Variants in COL17A1 observed in about 807,000 individuals in gnomAD.
The protein encoded by COL17A1 is collagen alpha-1(XVII) chain.
Under a neutral mutation model 218.4 loss-of-function variants are expected in COL17A1, and 181 were observed. The observed-to-expected ratio is 0.83, with a 90% CI of 0.73 to 0.94. The LOEUF (loss-of-function observed/expected upper bound fraction) is 0.94, where lower values mean the gene tolerates loss of function less well. Among genes scored for constraint, COL17A1 ranks in the 40% least tolerant of loss-of-function variants. COL17A1 has a pLI of 0.00. For synonymous variants in COL17A1, 721 were observed against 731.0 expected (o/e 0.99, Z 0.22); for missense variants, 1,924 against 1,945.9 (o/e 0.99, Z 0.21).
intron 52 of COL17A1, among the ~76,000 whole-genome samples, chr10:104,033,651 C>T (rs1166359625): frequency 3.3e-5 from 5 of 152,194 alleles, no homozygotes; most frequent in Non-Finnish European, 5.9e-5. Flanking sequence ...CTCTCGGCCC[C>T]AGCAGAAAAT....
chr10:104,034,303 G>C lies in COL17A1; in HGVS notation c.3798C>G (p.Pro1266=). 6.3e-7 allele frequency: 1 copy of C among 1,575,446 alleles called. No homozygotes were observed. Among genetic ancestry groups the C allele is most frequent in the Non-Finnish European group, 8.6e-7 (1 of 1,164,982 alleles). The change falls in exon 52 of 56, where the codon CCC becomes CCG. Residue 1266 remains proline (P), a synonymous_variant. Coordinates refer to ENST00000648076, the MANE Select transcript of COL17A1 (RefSeq NM_000494.4). ...SPDVRSFIVG[P]PGPPGPQGPP... ...GTCCCTGCGGCCCAGGAGGGCCTGG[G>C]GGGCCAACAATGAAGCTGCGCACAT...
chr10:104,037,486 T>A, intron 46 of COL17A1, 150 bp downstream of exon 46: 2 of 1,077,666 alleles, frequency 1.9e-6, no homozygotes, highest in Non-Finnish European at 2.8e-6. Flanking sequence ...TGACACTGTA[T>A]CCCAGTGGCC....
Position 104,035,311 on chromosome 10 carries a change from T to C in COL17A1, c.3571A>G (p.Asn1191Asp). Residue 1191 changes from asparagine to aspartate, a missense_variant, in exon 50 of 56, where the codon AAT becomes GAT. Coordinates refer to ENST00000648076, the MANE Select transcript of COL17A1 (RefSeq NM_000494.4). Reference protein sequence around the residue: ...GPPGPPGIPGNVWSSISVEDL... With the variant: ...GPPGPPGIPGDVWSSISVEDL... The stretch of plus-strand genomic sequence containing the variant: ...TCCACGCTGATGCTGGACCACACAT[T>C]GCCTGGGATCCCTGGTGGACCCGGG... 6.2e-7 allele frequency: 1 copy of C among 1,614,196 alleles called. No individual in the cohort carries two copies. Among genetic ancestry groups the C allele is most frequent in the Non-Finnish European group, 8.5e-7 (1 of 1,180,022 alleles).
chr10:104,064,053 G>A (rs1045383856), intron 10 of COL17A1, among the ~76,000 whole-genome samples: 2 of 152,212 alleles, frequency 1.3e-5, no homozygotes, highest in African/African-American at 4.8e-5. Context: ...ACCTGGAGTG[G>A]ACAGTGGGTC....
At chr10:104,037,820 A>G (rs779673580) in intron 45 of COL17A1, 47 bp from the exon 46 acceptor site, 1 of 1,605,324 alleles carries the variant, frequency 6.2e-7, no homozygotes, top group South Asian at 1.1e-5. Context: ...CCAAGAGGAC[A>G]TGTTCTCCCC....
intron 24 of COL17A1, among the ~76,000 whole-genome samples, chr10:104,051,760 C>T (rs1489922776): frequency 6.6e-6 from 1 of 152,178 alleles, no homozygotes; most frequent in African/African-American, 2.4e-5. Context: ...GGCAGTAGAA[C>T]ATTTGGGTTT....
At chr10:104,078,143 T>C (rs1451671923) in intron 3 of COL17A1, among the ~76,000 whole-genome samples, 3 of 152,204 alleles carry the variant, frequency 2.0e-5, no homozygotes, top group Non-Finnish European at 4.4e-5. Flanking sequence ...AACCAGAAGC[T>C]TGACTGGTAG....
intron 39 of COL17A1, 25 bp downstream of exon 39, chr10:104,041,040 G>A (rs778634348): frequency 6.2e-7 from 1 of 1,614,060 alleles, no homozygotes; most frequent in Non-Finnish European, 8.5e-7. Context: ...TGGAGAACAG[G>A]TGCGACTTGA....
chr10:104,050,065 A>C (rs750730038), intron 28 of COL17A1, 24 bp downstream of exon 28: 18 of 1,614,020 alleles, frequency 1.1e-5, no homozygotes, highest in African/African-American at 2.7e-5. Context: ...GATAGATTAA[A>C]GTAGATTCCC....
At chr10:104,084,159 T>C (rs934834414) in intron 1 of COL17A1, among the ~76,000 whole-genome samples, 7 of 152,232 alleles carry the variant, frequency 4.6e-5, no homozygotes, top group South Asian at 2.1e-4. Context: ...TTTGTGATTA[T>C]GCTGGTTTGT....
At chr10:104,042,537 G>T in intron 35 of COL17A1, 82 bp from the exon 36 acceptor site, 2 of 1,424,692 alleles carry the variant, frequency 1.4e-6, no homozygotes. Flanking sequence ...TCCTCCCAAG[G>T]CATGGAACAG....
In COL17A1 at chr10:104,049,575, C is replaced by T; in HGVS notation, c.2165-104G>A. ...CAAGAGGTCAAGGAAGCAGCTTCTG[C>T]TTTGATTCCAAGGTCAGGGCCACTT... is the stretch of plus-strand genomic sequence containing the variant. On this transcript the variant is annotated intron_variant, in intron 28 of 55. Transcript: ENST00000648076. 5 of 1,279,682 alleles carry T rather than the reference C, an allele frequency of 3.9e-6. No individual in the cohort carries two copies. The South Asian group carries it at 4.9e-5, about 12-fold the overall frequency. 79.3% of individuals were successfully genotyped at this position (1,279,682 alleles called of 1,614,324 possible).
chr10:104,056,850 C>G, intron 17 of COL17A1, 125 bp downstream of exon 17: 1 of 1,527,956 alleles, frequency 6.5e-7, no homozygotes, highest in South Asian at 1.2e-5. Flanking sequence ...GGGTCTGCAC[C>G]AATGCATTCA....
rs151271674 is a variant in COL17A1 at position 104,057,065 on chromosome 10, C to T, written c.1375G>A (p.Gly459Ser). 378 of 1,610,518 alleles carry T rather than the reference C, an allele frequency of 2.3e-4. 1 individual carries two copies. In the African/African-American group the frequency reaches 4.0e-3, roughly 17 times the overall value. ...WGPAPAWCPC[G>S]SCCSWWKWLL... ...CACTTCCACCAGCTGCAGCAGGAGC[C>T]GCAGGGGCACCAGGCTGGCGCTGGT... The change falls in exon 17 of 56, where the codon GGC (glycine) becomes AGC (serine). Residue 459 changes from glycine (G) to serine (S), a missense_variant. Physicochemically the swap from Gly to Ser is moderately conservative, Grantham distance 56. Transcript: ENST00000648076.
intron 9 of COL17A1, among the ~76,000 whole-genome samples, chr10:104,066,836 G>A (rs1023498680): frequency 6.6e-6 from 1 of 152,236 alleles, no homozygotes; most frequent in Non-Finnish European, 1.5e-5. Context: ...AACAGCAGAT[G>A]TCTAATATGT....
intron 36 of COL17A1, 112 bp downstream of exon 36, chr10:104,042,308 T>A: frequency 1.6e-6 from 2 of 1,216,302 alleles, no homozygotes; most frequent in Non-Finnish European, 2.4e-6. Context: ...TGTCCTCCTT[T>A]TCCAAAACAC....
At chr10:104,055,700 A>G in intron 18 of COL17A1, 82 bp downstream of exon 18, 1 of 1,567,062 alleles carries the variant, frequency 6.4e-7, no homozygotes, top group Non-Finnish European at 8.7e-7. Flanking sequence ...GATGGTGCTC[A>G]CAGCACATGC....
intron 19 of COL17A1, 128 bp from the exon 20 acceptor site, chr10:104,055,135 C>T (rs1396310408): frequency 2.6e-6 from 4 of 1,518,224 alleles, no homozygotes; most frequent in Non-Finnish European, 2.7e-6. Context: ...TGCGGCGAGT[C>T]CCTCCCAGTC....
At chr10:104,035,776 T>TTC (rs546484017) in intron 48 of COL17A1, among the ~76,000 whole-genome samples, 4,429 of 78,744 alleles carry the variant, frequency 0.056, 93 homozygotes, top group Middle Eastern at 0.13. Flanking sequence ...GTGTGCTTCA[T>TTC]TCTGTGTGTG....
Sources: gnomAD v4.1 joint callset for allele counts (sites outside exome capture counted in the v4.1 genomes callset) on GRCh38, gnomAD v4.1.1 for gene constraint, MANE v1.5 for transcripts, NCBI Gene and HGNC (gene_info 2026-07-23, HGNC 2026-07-21) for gene names.